Variants in TRIM9 observed in about 807,000 individuals in gnomAD.
The protein encoded by TRIM9 is tripartite motif containing 9, also known as E3 ubiquitin-protein ligase TRIM9.
A neutral mutation model predicts 78.3 loss-of-function variants in TRIM9; 26 were observed. The observed-to-expected ratio is 0.33, with a 90% CI of 0.24 to 0.46. The LOEUF (loss-of-function observed/expected upper bound fraction) is 0.46, where lower values mean the gene tolerates loss of function less well. Ranked by LOEUF, TRIM9 falls within the 20% of genes least tolerant of loss-of-function variation. TRIM9 has a pLI of 1.00. For synonymous variants in TRIM9, 398 were observed against 416.5 expected, an observed-to-expected ratio of 0.96 and a Z score of 0.54; for missense variants, 787 against 1,036.4, an observed-to-expected ratio of 0.76 and a Z score of 3.30.
At chr14:50,991,841 C>G (rs1028061143) in intron 7 of TRIM9, among the ~76,000 whole-genome samples, 1 of 152,164 alleles carries the variant, frequency 6.6e-6, no homozygotes, top group African/African-American at 2.4e-5. Context: ...CCAAGTTACA[C>G]CACAGCTGTG....
chr14:50,986,529 T>C (rs1416746961), intron 7 of TRIM9: 1 of 156,440 alleles, frequency 6.4e-6, no homozygotes, highest in Non-Finnish European at 1.4e-5. Flanking sequence ...TGGGAGTTAC[T>C]ACCTATTCAA....
chr14:50,989,859 T>A (rs2053262504), intron 7 of TRIM9, among the ~76,000 whole-genome samples: 1 of 152,202 alleles, frequency 6.6e-6, no homozygotes, highest in Admixed American at 6.5e-5. Flanking sequence ...TAGGATTGGC[T>A]GGAGTCTGGA....
At chr14:51,049,347 T>C (rs2140059202) in intron 1 of TRIM9, among the ~76,000 whole-genome samples, 1 of 152,310 alleles carries the variant, frequency 6.6e-6, no homozygotes, top group Admixed American at 6.5e-5. Context: ...GTACTGTGAA[T>C]GCTTCTTAGC....
intron 3 of TRIM9, among the ~76,000 whole-genome samples, chr14:51,015,949 AG>A (rs2057141196): frequency 6.6e-6 from 1 of 152,152 alleles, no homozygotes; most frequent in Non-Finnish European, 1.5e-5. Context: ...TTCCCATTAT[AG>A]TTTAAAACAA....
intron 1 of TRIM9, among the ~76,000 whole-genome samples, chr14:51,055,509 T>C (rs1326246996): frequency 1.3e-5 from 2 of 152,008 alleles, no homozygotes; most frequent in South Asian, 2.1e-4. Context: ...CTCTTAAAAG[T>C]GGTAGAGGGA....
At chr14:51,064,918 T>C (rs147176810) in intron 1 of TRIM9, among the ~76,000 whole-genome samples, 1 of 152,234 alleles carries the variant, frequency 6.6e-6, no homozygotes, top group African/African-American at 2.4e-5. Context: ...TTATAAATCA[T>C]AAATAAAGCT....
At chr14:51,011,354 C>A (rs978838449) in intron 3 of TRIM9, among the ~76,000 whole-genome samples, 1 of 152,106 alleles carries the variant, frequency 6.6e-6, no homozygotes, top group African/African-American at 2.4e-5. Flanking sequence ...ATCTTGAATG[C>A]CTATATATTT....
At chr14:51,063,174 C>T (rs2061481551) in intron 1 of TRIM9, among the ~76,000 whole-genome samples, 2 of 151,922 alleles carry the variant, frequency 1.3e-5, no homozygotes, top group Admixed American at 1.3e-4. Flanking sequence ...AAAAAGGCAT[C>T]AAATGGAGAT....
chr14:51,058,915 T>C (rs1472596668), intron 1 of TRIM9, among the ~76,000 whole-genome samples: 1 of 152,240 alleles, frequency 6.6e-6, no homozygotes, highest in Non-Finnish European at 1.5e-5. Context: ...GCAAGAATTC[T>C]CATGTAATGT....
At chr14:51,066,395 T>C (rs1026209663) in intron 1 of TRIM9, among the ~76,000 whole-genome samples, 1 of 152,174 alleles carries the variant, frequency 6.6e-6, no homozygotes, top group Non-Finnish European at 1.5e-5. Context: ...CCAGCAGTCC[T>C]TGACACAGAG....
In TRIM9 at chr14:51,009,790, A is replaced by T. The variant is rs7144184; in HGVS notation, c.1153-557T>A. 1.1e-4 allele frequency among the ~76,000 whole-genome samples: 16 copies of T among 152,154 alleles called. 1 individual carries two copies. Among genetic ancestry groups the T allele is most frequent in the African/African-American group, 3.4e-4 (14 of 41,498 alleles). On this transcript the variant is annotated intron_variant, in intron 4 of 12. Transcript: ENST00000684578. ...CTGTCACTCTTAGCCAGTTTAGTAG[A>T]GTGTGACTTGGAAGAGATCTACATG...
chr14:51,086,379 T>C (rs2063753873), intron 1 of TRIM9, among the ~76,000 whole-genome samples: 1 of 152,330 alleles, frequency 6.6e-6, no homozygotes, highest in East Asian at 1.9e-4. Flanking sequence ...GAGCAGTGCC[T>C]GCATGTAGTA....
At chr14:51,032,504 GC>G (rs1374294120) in intron 1 of TRIM9, among the ~76,000 whole-genome samples, 2 of 152,212 alleles carry the variant, frequency 1.3e-5, no homozygotes, top group African/African-American at 2.4e-5. Context: ...AATGGCTGGG[GC>G]CCCCTTGCTT....
At chr14:50,990,428 C>T (rs531215975) in intron 7 of TRIM9, among the ~76,000 whole-genome samples, 133 of 152,184 alleles carry the variant, frequency 8.7e-4, no homozygotes, top group African/African-American at 3.1e-3. Context: ...GGAGACTCAA[C>T]CATAAGAAAA....
At chr14:51,082,872 A>G (rs1324313879) in intron 1 of TRIM9, among the ~76,000 whole-genome samples, 1 of 152,234 alleles carries the variant, frequency 6.6e-6, no homozygotes. Flanking sequence ...TCTTCTGTGC[A>G]GTAATGGCAG....
At chr14:51,074,829 T>C (rs1159619603) in intron 1 of TRIM9, among the ~76,000 whole-genome samples, 2 of 152,196 alleles carry the variant, frequency 1.3e-5, no homozygotes, top group Admixed American at 1.3e-4. Flanking sequence ...CCAACAGGGC[T>C]GTGGAGCCCC....
Position 51,000,740 on chromosome 14 carries a change from C to A in TRIM9, c.1407G>T (p.Thr469=). ...TLSWKQPPLS[T]VPADGYILEL... The stretch of plus-strand genomic sequence containing the variant: ...CCAGAATGTATCCATCGGCGGGCAC[C>A]GTGGACAGAGGTGGCTGTTTCCAGG... The change falls in exon 6 of 13, where the codon ACG becomes ACT. Residue 469 remains threonine (T), a synonymous_variant. Coordinates refer to ENST00000684578, the MANE Select transcript of TRIM9 (RefSeq NM_001387360.1). 1 of 1,614,124 alleles carries A rather than the reference C, an allele frequency of 6.2e-7. No individual in the cohort carries two copies. Among genetic ancestry groups the A allele is most frequent in the African/African-American group, 1.3e-5 (1 of 75,036 alleles).
intron 6 of TRIM9, among the ~76,000 whole-genome samples, chr14:50,998,589 T>C (rs1305659073): frequency 1.3e-5 from 2 of 152,182 alleles, no homozygotes; most frequent in African/African-American, 4.8e-5. Context: ...GAGCTCCTTA[T>C]CCATCAGTAT....
At chr14:51,063,345 C>T (rs1022565325) in intron 1 of TRIM9, among the ~76,000 whole-genome samples, 1 of 151,936 alleles carries the variant, frequency 6.6e-6, no homozygotes. Context: ...CAGTGGCCTG[C>T]AAGAAATAAC....
Sources: allele counts gnomAD v4.1 joint callset (sites outside exome capture counted in the v4.1 genomes callset), GRCh38; gene constraint gnomAD v4.1.1; transcripts MANE v1.5; gene names NCBI Gene and HGNC (gene_info 2026-07-23, HGNC 2026-07-21).